FMN2: variants seen among roughly 807,000 people sequenced by gnomAD.
FMN2 encodes the protein formin 2, also known as formin-2.
A neutral mutation model predicts 142.3 loss-of-function variants in FMN2; 51 were observed. That is an observed-to-expected ratio of 0.36 (90% CI 0.29 to 0.45). The LOEUF is 0.45. FMN2 is among the 20% of genes least tolerant of loss of function. The probability of loss-of-function intolerance (pLI) is 1.00; values close to 1 mark genes in which losing one functional copy is unlikely to be tolerated. For missense variants in FMN2, 1,936 were observed against 2,122.8 expected (o/e 0.91, Z 1.73); for synonymous variants, 882 against 869.8 (o/e 1.01, Z -0.25).
intron 6 of FMN2, among the ~76,000 whole-genome samples, chr1:240,234,641 A>T (rs1198537209): frequency 1.3e-5 from 2 of 152,166 alleles, no homozygotes; most frequent in Non-Finnish European, 2.9e-5. Flanking sequence ...TGTCATCACC[A>T]CCAACCCCCC....
At chr1:240,464,825 A>G (rs968357818) in intron 16 of FMN2, among the ~76,000 whole-genome samples, 1 of 152,156 alleles carries the variant, frequency 6.6e-6, no homozygotes. Flanking sequence ...GAAGCAGCTC[A>G]AAGATGTTTT....
intron 4 of FMN2, among the ~76,000 whole-genome samples, chr1:240,205,216 A>G (rs116229417): frequency 1.4e-4 from 21 of 152,164 alleles, no homozygotes; most frequent in Non-Finnish European, 2.8e-4. Flanking sequence ...CACTGAAGAA[A>G]TAGTTCTCAA....
intron 2 of FMN2, among the ~76,000 whole-genome samples, chr1:240,155,001 C>T (rs991647295): frequency 9.2e-5 from 14 of 151,492 alleles, no homozygotes; most frequent in South Asian, 4.2e-4. Context: ...ATCCCCCCCC[C>T]GACCTTGACC....
chr1:240,181,012 T>C (rs1372459716), intron 3 of FMN2, among the ~76,000 whole-genome samples: 3 of 152,090 alleles, frequency 2.0e-5, no homozygotes, highest in African/African-American at 7.2e-5. Flanking sequence ...TTTTTTGTTG[T>C]TGTTTGTTTG....
intron 14 of FMN2, among the ~76,000 whole-genome samples, chr1:240,363,961 G>A (rs1370127383): frequency 3.9e-5 from 6 of 152,012 alleles, no homozygotes; most frequent in Admixed American, 3.9e-4. Context: ...GAAAGTGGGG[G>A]GTTCAGTAAA....
intron 1 of FMN2, among the ~76,000 whole-genome samples, chr1:240,119,786 C>T (rs1350259267): frequency 3.9e-5 from 6 of 152,162 alleles, no homozygotes; most frequent in South Asian, 2.1e-4. Flanking sequence ...TGGATGTGCA[C>T]GTACACATTT....
chr1:240,138,413 A>G (rs1663043218), intron 2 of FMN2, among the ~76,000 whole-genome samples: 1 of 152,072 alleles, frequency 6.6e-6, no homozygotes, highest in African/African-American at 2.4e-5. Flanking sequence ...AAAGTATTAC[A>G]TGTGGGCCGA....
intron 7 of FMN2, chr1:240,285,329 C>T (rs772938161): frequency 6.6e-6 from 3 of 454,694 alleles, no homozygotes; most frequent in African/African-American, 4.0e-5. Context: ...GATGGAGGCT[C>T]CGTCATGTAA....
In FMN2 at chr1:240,144,145, C is replaced by T. The variant is rs532073561; in HGVS notation, c.1782+20800C>T. On this transcript the variant is annotated intron_variant, in intron 2 of 17. Coordinates refer to ENST00000319653, the MANE Select transcript of FMN2 (RefSeq NM_020066.5). ...CACAGCAGCAGCATCCCAACAGATG[C>T]AGCTGCACTCAACATTCCGTGGTCC... The T allele has an allele frequency of 1.7e-4, 218 of 1,312,170 alleles. 3 individuals are homozygous for T. The South Asian group carries it at 2.5e-3, about 15-fold the overall frequency. 81.3% of individuals were successfully genotyped at this position (1,312,170 alleles called of 1,614,324 possible).
chr1:240,157,161 ATAGCTAATACTT>A (rs1342757310), intron 2 of FMN2, among the ~76,000 whole-genome samples: 6 of 152,214 alleles, frequency 3.9e-5, no homozygotes, highest in Non-Finnish European at 8.8e-5. Context: ...TGCTGTGTTA[ATAGCTAATACTT>A]TATATAGCTA....
At chr1:240,174,363 C>G (rs1487191494) in intron 2 of FMN2, among the ~76,000 whole-genome samples, 3 of 151,820 alleles carry the variant, frequency 2.0e-5, no homozygotes, top group Non-Finnish European at 1.5e-5. Context: ...TCTTTTCTTT[C>G]TGTTTTTTTG....
intron 16 of FMN2, chr1:240,458,028 T>A (rs978717971): frequency 2.0e-5 from 3 of 152,280 alleles, no homozygotes; most frequent in African/African-American, 7.2e-5. Flanking sequence ...AGATGTCTGA[T>A]TAACTGGGAG....
At chr1:240,347,505 C>A (rs1671947885) in intron 13 of FMN2, among the ~76,000 whole-genome samples, 1 of 152,164 alleles carries the variant, frequency 6.6e-6, no homozygotes, top group Admixed American at 6.5e-5. Context: ...TTTCTATGAG[C>A]CTTGTCGTGG....
At chr1:240,278,157 A>C (rs1208903228) in intron 7 of FMN2, among the ~76,000 whole-genome samples, 1 of 152,166 alleles carries the variant, frequency 6.6e-6, no homozygotes, top group Non-Finnish European at 1.5e-5. Context: ...AGTTTATTTC[A>C]TAACTATATA....
chr1:240,416,553 A>T (rs1674582651), intron 15 of FMN2, among the ~76,000 whole-genome samples: 1 of 152,180 alleles, frequency 6.6e-6, no homozygotes, highest in South Asian at 2.1e-4. Context: ...TACAGGCGTG[A>T]GCCACCATGC....
At chr1:240,159,331 A>G (rs896675918) in intron 2 of FMN2, among the ~76,000 whole-genome samples, 1 of 152,120 alleles carries the variant, frequency 6.6e-6, no homozygotes, top group Non-Finnish European at 1.5e-5. Flanking sequence ...GACCTTTAGT[A>G]ATTTGAGAGA....
At chr1:240,219,650 A>ATTTTTTTTTTTTTTTTTTTTTTTTTTTTT (rs1558374533) in intron 6 of FMN2, among the ~76,000 whole-genome samples, 2 of 151,980 alleles carry the variant, frequency 1.3e-5, no homozygotes, top group African/African-American at 4.8e-5. Context: ...AGGTTTTAAA[A>ATTTTTTTTTTTTTTTTTTTTTTTTTTTTT]TTTTTTGTAT....
At chr1:240,347,382 A>G (rs1256921791) in intron 13 of FMN2, among the ~76,000 whole-genome samples, 1 of 151,650 alleles carries the variant, frequency 6.6e-6, no homozygotes, top group Non-Finnish European at 1.5e-5. Flanking sequence ...TCTGAAACCT[A>G]CTCTTCTTCC....
At chr1:240,159,798 C>T (rs1664182998) in intron 2 of FMN2, among the ~76,000 whole-genome samples, 1 of 151,146 alleles carries the variant, frequency 6.6e-6, no homozygotes, top group African/African-American at 2.4e-5. Flanking sequence ...AAGCCCAAGT[C>T]ATGGTGGTAT....
Sources: gnomAD v4.1 joint callset for allele counts (sites outside exome capture counted in the v4.1 genomes callset) on GRCh38, gnomAD v4.1.1 for gene constraint, MANE v1.5 for transcripts, NCBI Gene and HGNC (gene_info 2026-07-23, HGNC 2026-07-21) for gene names.